The following PKLR variants were observed in gnomAD, a reference collection of about 807,000 sequenced individuals.
PKLR encodes the protein pyruvate kinase L/R.
In PKLR, 38 loss-of-function variants were observed where a neutral mutation model predicts 53.6. The ratio of observed to expected loss-of-function variants is 0.71; its 90% CI spans 0.55 to 0.93. PKLR has a LOEUF of 0.93. Ranked by LOEUF, PKLR falls within the 40% of genes least tolerant of loss-of-function variation. The pLI is 0.00. For missense variants in PKLR, 702 were observed against 787.3 expected (o/e 0.89, Z 1.30); for synonymous variants, 328 against 316.2 (o/e 1.04, Z -0.39).
intron 1 of PKLR, 164 bp downstream of exon 1, chr1:155,301,132 A>G: frequency 7.4e-7 from 1 of 1,355,718 alleles, no homozygotes; most frequent in Non-Finnish European, 1.0e-6. Context: ...GACCCAGGCC[A>G]GGGTCCATAA....
intron 1 of PKLR, chr1:155,300,774 C>T (rs1006579263): frequency 1.3e-4 from 174 of 1,339,586 alleles, no homozygotes; most frequent in Non-Finnish European, 2.5e-5. Flanking sequence ...CTGGCTTCCC[C>T]ACCCCATCCT....
chr1:155,291,473 C>T (rs1041465526), intron 10 of PKLR, among the ~76,000 whole-genome samples: 21 of 149,918 alleles, frequency 1.4e-4, no homozygotes, highest in African/African-American at 4.7e-4. Flanking sequence ...TCCAGCCTGG[C>T]GACAGAGCAA....
chr1:155,299,006 CT>C (rs1369341989), intron 2 of PKLR, among the ~76,000 whole-genome samples: 91 of 100,096 alleles, frequency 9.1e-4, no homozygotes, highest in South Asian at 3.7e-3. Flanking sequence ...TTCTTTCTTT[CT>C]TTCTTTCTTT....
At chr1:155,300,304 A>G in intron 1 of PKLR, 24 bp from the exon 2 acceptor site, 1 of 1,555,942 alleles carries the variant, frequency 6.4e-7, no homozygotes, top group African/African-American at 1.4e-5. Flanking sequence ...GGGCTCAGGG[A>G]CTGCATGTCA....
At chr1:155,291,026 AATAATAATAATAAT>A in intron 10 of PKLR, among the ~76,000 whole-genome samples, 3 of 147,108 alleles carry the variant, frequency 2.0e-5, no homozygotes, top group Admixed American at 6.8e-5. Context: ...TAATAATAAT[AATAATAATAATAAT>A]AAAAGAAGAA....
At position 155,295,116 on chromosome 1, in the gene PKLR, C is replaced by T; in HGVS notation, c.694G>A (p.Gly232Ser). ...GTCAGGGCGGGAGGCGCGTCCGCAC[C>T]GATTTTCTGGACCACTAGGGAGATG... ...GLISLVVQKI[G>S]PEGLVTQVEN... is the part of the protein sequence containing the mutation. The change falls in exon 5 of 11, where the codon GGC (glycine) becomes AGC (serine). Residue 232 changes from glycine (G) to serine (S), a missense_variant and splice_region_variant. Gly to Ser is a moderately conservative substitution (Grantham distance 56). Transcript: ENST00000342741. The surrounding 1 kb of genome is among the most constrained non-coding windows in gnomAD (Gnocchi z 4.3). 6.2e-7 allele frequency: 1 copy of T among 1,613,924 alleles called. No homozygotes were observed.
At chr1:155,307,745 G>A in the PKLR span, among the ~76,000 whole-genome samples, 3 of 152,190 alleles carry the variant, frequency 2.0e-5, no homozygotes, top group African/African-American at 7.2e-5. Flanking sequence ...CAGAGGTCGA[G>A]GTGGCTGGAT....
intron 9 of PKLR, among the ~76,000 whole-genome samples, chr1:155,292,955 C>T (rs1321989942): frequency 1.3e-5 from 2 of 152,102 alleles, no homozygotes; most frequent in African/African-American, 4.8e-5. Context: ...GCCCAAATGG[C>T]CTTGAAGCCA....
Position 155,295,083 on chromosome 1 carries a change from C to T in PKLR, c.694+33G>A, listed in dbSNP as rs537250464. 4 of 1,608,844 alleles carry T rather than the reference C, an allele frequency of 2.5e-6. No homozygotes were observed. The East Asian group carries it at 6.7e-5, about 27-fold the overall frequency. Reference sequence around the variant, plus strand: ...AGGAGAAGGGAATGTGCCCAGCGCACGGATGTGGTCAGGGCGGGAGGCGCG... The same window carrying T: ...AGGAGAAGGGAATGTGCCCAGCGCATGGATGTGGTCAGGGCGGGAGGCGCG... On this transcript the variant is annotated intron_variant, in intron 5 of 10. Transcript: ENST00000342741. The surrounding 1 kb of genome is among the most constrained non-coding windows in gnomAD (Gnocchi z 4.3).
At chr1:155,300,320 C>G in intron 1 of PKLR, 40 bp from the exon 2 acceptor site, 1 of 1,518,296 alleles carries the variant, frequency 6.6e-7, no homozygotes, top group Non-Finnish European at 8.9e-7. Context: ...TGTCACCTGC[C>G]CTTCCTCCCC....
At chr1:155,300,370 C>T (rs1040404869) in intron 1 of PKLR, 90 bp from the exon 2 acceptor site, 1 of 1,002,488 alleles carries the variant, frequency 1.0e-6, no homozygotes, top group Non-Finnish European at 1.5e-6. Flanking sequence ...TCCTTCCCTT[C>T]TTATGAGCTG....
upstream of PKLR, among the ~76,000 whole-genome samples, chr1:155,304,604 G>A (rs987404351): frequency 6.6e-6 from 1 of 152,138 alleles, no homozygotes; most frequent in Non-Finnish European, 1.5e-5. Flanking sequence ...AGAGTGGAAC[G>A]GCAAAACAGC....
At chr1:155,306,587 C>T in the PKLR span, among the ~76,000 whole-genome samples, 10 of 152,088 alleles carry the variant, frequency 6.6e-5, no homozygotes, top group African/African-American at 2.4e-4. The surrounding 1 kb of genome is among the most constrained non-coding windows in gnomAD (Gnocchi z 4.2). Flanking sequence ...AGACGAGGTG[C>T]CCCCTGGTCA....
upstream of PKLR, among the ~76,000 whole-genome samples, chr1:155,304,921 G>T (rs1648191628): frequency 6.6e-6 from 1 of 152,172 alleles, no homozygotes; most frequent in Non-Finnish European, 1.5e-5. Flanking sequence ...ACAGATGAGG[G>T]AACTGGGCCG....
At position 155,291,444 on chromosome 1, in the gene PKLR, C is replaced by T. The variant is rs8177990; in HGVS notation, c.1618+312G>A. On this transcript the variant is annotated intron_variant, in intron 10 of 10. Transcript: ENST00000342741. ...CCAGGAGGCAGAGATTGCAGTGAGC[C>T]GAGATCGTACCCCTGCACTCCAGCC... 3.3e-5 allele frequency among the ~76,000 whole-genome samples: 5 copies of T among 151,518 alleles called. No individual in the cohort carries two copies. In the South Asian group the frequency reaches 1.0e-3, roughly 32 times the overall value.
Position 155,293,283 on chromosome 1 carries a change from C to T in PKLR, c.1330G>A (p.Ala444Thr). Reference protein sequence around the residue: ...HRQLFEELRRAAPLSRDPTEV... With the variant: ...HRQLFEELRRTAPLSRDPTEV... ...GTGGGATCACGGCTTAGTGGCGCTG[C>T]CCGACGTAGCTCCTCAAACAGCTGC... Residue 444 changes from alanine to threonine, a missense_variant, in exon 9 of 11, where the codon GCA becomes ACA. Ala to Thr is a moderately conservative substitution (Grantham distance 58). Around this residue, in one of 2 missense-constraint regions of PKLR, gnomAD observed 183 missense variants for 250.2 expected, o/e 0.73. Transcript: ENST00000342741. The surrounding 1 kb of genome is among the most constrained non-coding windows in gnomAD (Gnocchi z 4.2). 6.2e-7 allele frequency: 1 copy of T among 1,614,250 alleles called. No homozygotes were observed. Among genetic ancestry groups the T allele is most frequent in the Non-Finnish European group, 8.5e-7 (1 of 1,180,050 alleles).
intron 1 of PKLR, chr1:155,300,904 C>T (rs1557965308): frequency 6.2e-7 from 1 of 1,609,014 alleles, no homozygotes; most frequent in Non-Finnish European, 8.5e-7. Context: ...GCACACCTCT[C>T]TGGGTCTCCC....
Position 155,295,361 on chromosome 1 carries a change from T to G in PKLR, c.508-59A>C. On this transcript the variant is annotated intron_variant, in intron 4 of 10. Transcript: ENST00000342741. The surrounding 1 kb of genome is among the most constrained non-coding windows in gnomAD (Gnocchi z 4.3). The stretch of plus-strand genomic sequence containing the variant: ...AGCCCCGGAGTCCGGGACCCGCCCC[T>G]GCCCACGCCTGGGCCCAACCCTACA... 6.2e-7 allele frequency: 1 copy of G among 1,612,866 alleles called. No individual in the cohort carries two copies. The highest frequency in any genetic ancestry group is 1.1e-5 in the South Asian group (1 of 91,070).
At position 155,295,354 on chromosome 1, in the gene PKLR, C is replaced by T; in HGVS notation, c.508-52G>A. On this transcript the variant is annotated intron_variant, in intron 4 of 10. Transcript: ENST00000342741. The surrounding 1 kb of genome is among the most constrained non-coding windows in gnomAD (Gnocchi z 4.3). ...AGTTCTGAGCCCCGGAGTCCGGGAC[C>T]CGCCCCTGCCCACGCCTGGGCCCAA... 1 of 1,612,990 alleles carries T rather than the reference C, an allele frequency of 6.2e-7. No homozygotes were observed. The highest frequency in any genetic ancestry group is 8.5e-7 in the Non-Finnish European group (1 of 1,179,334).
Sources: gnomAD v4.1 joint callset for allele counts (sites outside exome capture counted in the v4.1 genomes callset) on GRCh38, gnomAD v4.1.1 for gene constraint, gnomAD v4.1.1 regional missense constraint, Gnocchi (gnomAD v3.1) non-coding constraint, MANE v1.5 for transcripts, NCBI Gene and HGNC (gene_info 2026-07-23, HGNC 2026-07-21) for gene names.